Variants in RBFOX1 observed in about 807,000 individuals in gnomAD.
The protein encoded by RBFOX1 is RNA binding protein fox-1 homolog 1.
RBFOX1 carries 8 observed loss-of-function variants against 57.7 expected under a neutral mutation model. The observed-to-expected ratio is 0.14, with a 90% CI of 0.08 to 0.25. RBFOX1 has a LOEUF of 0.25. Ranked by LOEUF, RBFOX1 falls within the 10% of genes least tolerant of loss-of-function variation. The pLI is 1.00. For missense variants in RBFOX1, 611 were observed against 548.5 expected, an observed-to-expected ratio of 1.11 and a Z score of -1.14; for synonymous variants, 326 against 222.4, an observed-to-expected ratio of 1.47 and a Z score of -4.15.
Position 5,268,917 on chromosome 16 carries a change from A to ATT in RBFOX1, c.219+28826_219+28827dup, listed in dbSNP as rs149694271. 8.6e-4 allele frequency among the ~76,000 whole-genome samples: 125 copies of ATT among 145,040 alleles called. 1 individual carries two copies. Among genetic ancestry groups the ATT allele is most frequent in the Non-Finnish European group, 1.2e-3 (77 of 66,050 alleles). On this transcript the variant is annotated intron_variant, in intron 1 of 2. Coordinates refer to the RBFOX1 transcript ENST00000585867. ...CTAACCAACACTTGTTATTTTCTCT[A>ATT]TTTTTTTTTTTTTTTGAGACGAAGT...
intron 4 of RBFOX1, among the ~76,000 whole-genome samples, chr16:6,009,590 A>G (rs1003986438): frequency 6.6e-6 from 1 of 151,864 alleles, no homozygotes; most frequent in Non-Finnish European, 1.5e-5. Context: ...GCTAACAATT[A>G]CCTCCTTTCT....
intron 3 of RBFOX1, among the ~76,000 whole-genome samples, chr16:5,844,787 A>G (rs1567616132): frequency 6.6e-6 from 1 of 152,230 alleles, no homozygotes. Context: ...TGATTTTAAC[A>G]GAACTATCAT....
intron 4 of RBFOX1, among the ~76,000 whole-genome samples, chr16:5,951,094 A>G (rs910665046): frequency 2.0e-5 from 3 of 152,120 alleles, no homozygotes; most frequent in African/African-American, 7.2e-5. Flanking sequence ...TGGGGGCCTC[A>G]CAGAGACCTA....
chr16:5,569,523 T>C (rs1276102678), intron 2 of RBFOX1, among the ~76,000 whole-genome samples: 1 of 138,818 alleles, frequency 7.2e-6, no homozygotes, highest in Non-Finnish European at 1.5e-5. Context: ...GAAATTCAGC[T>C]CATCATCTCA....
chr16:7,314,968 A>G (rs576655357), intron 4 of RBFOX1, among the ~76,000 whole-genome samples: 10 of 152,348 alleles, frequency 6.6e-5, no homozygotes, highest in African/African-American at 2.2e-4. Flanking sequence ...AGTAAGCCAC[A>G]GAAAGCTCTA....
chr16:7,199,681 G>A (rs1459905734), intron 4 of RBFOX1, among the ~76,000 whole-genome samples: 1 of 152,170 alleles, frequency 6.6e-6, no homozygotes, highest in Non-Finnish European at 1.5e-5. Context: ...ATCATTTGAG[G>A]TCAGGAGTTC....
rs567959846 is a variant in RBFOX1 at position 7,411,161 on chromosome 16, G to T, written c.28-106986G>T. On this transcript the variant is annotated intron_variant, in intron 4 of 15. Coordinates refer to ENST00000550418, the MANE Select transcript of RBFOX1 (RefSeq NM_018723.4). The stretch of plus-strand genomic sequence containing the variant: ...GGGTTTTGTCATGTTGGCCAGGTTG[G>T]TCTTGAACTCTTGACCTCAGGTGAT... 2.6e-5 allele frequency among the ~76,000 whole-genome samples: 4 copies of T among 152,184 alleles called. No individual in the cohort carries two copies. In the East Asian group the frequency reaches 5.8e-4, roughly 22 times the overall value.
At chr16:6,991,796 C>T (rs764763829) in intron 3 of RBFOX1, among the ~76,000 whole-genome samples, 5 of 152,126 alleles carry the variant, frequency 3.3e-5, no homozygotes, top group Non-Finnish European at 5.9e-5. Flanking sequence ...TTAGGCCTTC[C>T]AAAGTGCTGC....
chr16:7,601,394 G>C (rs1459453209), intron 9 of RBFOX1, among the ~76,000 whole-genome samples: 1 of 152,198 alleles, frequency 6.6e-6, no homozygotes, highest in African/African-American at 2.4e-5. Context: ...TAGCGCAGTA[G>C]TATTTGATTA....
rs1008260165 is a variant in RBFOX1 at position 5,944,418 on chromosome 16, A to G, written c.351+77083A>G. 2.6e-5 allele frequency among the ~76,000 whole-genome samples: 4 copies of G among 152,286 alleles called. No homozygotes were observed. In the East Asian group the frequency reaches 5.8e-4, roughly 22 times the overall value. ...ATGAAGACGTGAGACTGCTCTTATC[A>G]TAGAATAAACATCTGAGGACAGAGT... On this transcript the variant is annotated intron_variant, in intron 4 of 19. Coordinates refer to the RBFOX1 transcript ENST00000641259.
chr16:6,222,096 A>T (rs1309052385), intron 1 of RBFOX1, among the ~76,000 whole-genome samples: 1 of 152,194 alleles, frequency 6.6e-6, no homozygotes, highest in Admixed American at 6.5e-5. Context: ...GTGACTGAAG[A>T]CATGTTTATT....
At chr16:5,435,522 T>A (rs1347905980) in intron 1 of RBFOX1, among the ~76,000 whole-genome samples, 2 of 152,162 alleles carry the variant, frequency 1.3e-5, no homozygotes, top group African/African-American at 2.4e-5. Flanking sequence ...TGGGTCAGTG[T>A]CTTCAGTAAA....
intron 3 of RBFOX1, among the ~76,000 whole-genome samples, chr16:7,045,006 C>T (rs185180245): frequency 3.9e-5 from 6 of 152,296 alleles, no homozygotes; most frequent in Admixed American, 3.3e-4. Context: ...AGCCGAAACA[C>T]ACAACTCATG....
intron 1 of RBFOX1, among the ~76,000 whole-genome samples, chr16:6,283,046 A>G (rs1599160728): frequency 1.3e-5 from 2 of 152,088 alleles, no homozygotes; most frequent in Non-Finnish European, 2.9e-5. Context: ...CCCTTACGCA[A>G]CCAAACATGG....
chr16:6,994,561 C>G (rs1474558760), intron 3 of RBFOX1, among the ~76,000 whole-genome samples: 1 of 152,158 alleles, frequency 6.6e-6, no homozygotes, highest in Non-Finnish European at 1.5e-5. Flanking sequence ...CAAAACCTAG[C>G]TAAAATTTCA....
At chr16:6,944,260 T>G (rs1403840954) in intron 3 of RBFOX1, among the ~76,000 whole-genome samples, 2 of 151,732 alleles carry the variant, frequency 1.3e-5, no homozygotes, top group Non-Finnish European at 2.9e-5. Flanking sequence ...CCAGGCATGG[T>G]GGTGGGCGCC....
At chr16:5,896,358 G>T in intron 4 of RBFOX1, among the ~76,000 whole-genome samples, 1 of 152,128 alleles carries the variant, frequency 6.6e-6, no homozygotes, top group African/African-American at 2.4e-5. Context: ...TCCCCTCCCT[G>T]TGGGGTGGGA....
At chr16:5,398,344 G>C (rs2066620640) in intron 1 of RBFOX1, among the ~76,000 whole-genome samples, 1 of 152,004 alleles carries the variant, frequency 6.6e-6, no homozygotes, top group East Asian at 1.9e-4. Context: ...CATGTGTGCA[G>C]GTGTTTGAGC....
intron 2 of RBFOX1, among the ~76,000 whole-genome samples, chr16:6,437,262 C>G (rs1352184705): frequency 1.3e-5 from 2 of 152,168 alleles, no homozygotes; most frequent in African/African-American, 4.8e-5. Flanking sequence ...CCCTACTGAC[C>G]TGCATTTACT....
Sources: gnomAD v4.1 joint callset for allele counts (sites outside exome capture counted in the v4.1 genomes callset) on GRCh38, gnomAD v4.1.1 for gene constraint, MANE v1.5 for transcripts, NCBI Gene and HGNC (gene_info 2026-07-23, HGNC 2026-07-21) for gene names.